Variants in OR1L8 observed in about 807,000 individuals in gnomAD.
OR1L8 encodes the protein olfactory receptor 1L8.
For missense variants in OR1L8, 330 were observed against 377.4 expected, an observed-to-expected ratio of 0.87 and a Z score of 1.04; for synonymous variants, 148 against 147.0, an observed-to-expected ratio of 1.01 and a Z score of -0.05.
chr9:122,562,569 C>G (rs10739613), downstream of OR1L8, among the ~76,000 whole-genome samples: 1 of 151,898 alleles, frequency 6.6e-6, no homozygotes, highest in African/African-American at 2.4e-5. Flanking sequence ...GTGGGGACTC[C>G]CCTGCCCTGT....
chr9:122,568,159 C>T lies in OR1L8; in HGVS notation c.319G>A (p.Ala107Thr). 6.2e-7 allele frequency: 1 copy of T among 1,614,124 alleles called. No individual in the cohort carries two copies. Among genetic ancestry groups the T allele is most frequent in the South Asian group, 1.1e-5 (1 of 91,074 alleles). Residue 107 changes from alanine to threonine, a missense_variant, in exon 5 of 5, where the codon GCC becomes ACC. Coordinates refer to ENST00000641027, the MANE Select transcript of OR1L8 (RefSeq NM_001004454.2). ...GCLTQMYFLY[A>T]LGNSDSCLLA... Reference sequence around the variant, plus strand: ...AGGCAGCTGTCACTGTTGCCCAAGGCATAGAGAAAATACATCTGTGTCAGA... The same window carrying T: ...AGGCAGCTGTCACTGTTGCCCAAGGTATAGAGAAAATACATCTGTGTCAGA...
the OR1L8 span, among the ~76,000 whole-genome samples, chr9:122,551,702 G>C: frequency 6.6e-6 from 1 of 152,044 alleles, no homozygotes; most frequent in African/African-American, 2.4e-5. Flanking sequence ...GCTCCCCTAG[G>C]ATCCAGCCAG....
the OR1L8 span, among the ~76,000 whole-genome samples, chr9:122,561,440 C>T: frequency 6.8e-4 from 103 of 152,276 alleles, 1 homozygote; most frequent in Non-Finnish European, 1.2e-3. Context: ...GGATTTTCAG[C>T]GTTTTTTCGT....
the OR1L8 span, among the ~76,000 whole-genome samples, chr9:122,558,334 T>G: frequency 8.9e-5 from 9 of 100,656 alleles, no homozygotes; most frequent in African/African-American, 2.5e-4. Flanking sequence ...TTTTTTTTTT[T>G]TTTTGCAAAA....
chr9:122,553,555 A>G, the OR1L8 span: 82 of 1,613,904 alleles, frequency 5.1e-5, no homozygotes, highest in Non-Finnish European at 6.9e-5. Context: ...GGCCTTGACA[A>G]CTGCCTGCTG....
Position 122,568,298 on chromosome 9 carries a change from C to T in OR1L8, c.180G>A (p.Met60Ile), listed in dbSNP as rs1205939895. The T allele has an allele frequency of 1.2e-6, 2 of 1,614,078 alleles. No homozygotes were observed. Among genetic ancestry groups the T allele is most frequent in the Admixed American group, 3.3e-5 (2 of 60,020 alleles). ...IRFNPHLQTP[M>I]YFFLSFLSLT... Reference sequence around the variant, plus strand: ...GAGACAGAAAACTCAAGAAGAAATACATAGGGGTCTGAAGATGGGGGTTGA... The same window carrying T: ...GAGACAGAAAACTCAAGAAGAAATATATAGGGGTCTGAAGATGGGGGTTGA... The change falls in exon 5 of 5, where the codon ATG becomes ATA. Residue 60 changes from methionine to isoleucine, a missense_variant. Physicochemically the swap from Met to Ile is conservative, Grantham distance 10. Coordinates refer to ENST00000641027, the MANE Select transcript of OR1L8 (RefSeq NM_001004454.2).
chr9:122,557,595 G>T, the OR1L8 span, among the ~76,000 whole-genome samples: 2 of 151,944 alleles, frequency 1.3e-5, no homozygotes, highest in Non-Finnish European at 2.9e-5. Context: ...GTACATTCTT[G>T]GATTCTATTT....
the OR1L8 span, chr9:122,553,307 C>T: frequency 8.2e-5 from 133 of 1,613,942 alleles, no homozygotes; most frequent in Non-Finnish European, 9.9e-5. Flanking sequence ...TTCTGTTTGG[C>T]ATCTTCCTTG....
chr9:122,562,800 A>G (rs1829373679), downstream of OR1L8, among the ~76,000 whole-genome samples: 1 of 152,068 alleles, frequency 6.6e-6, no homozygotes, highest in South Asian at 2.1e-4. Flanking sequence ...ATTTTATTTA[A>G]CATAATGTCG....
intron 1 of OR1L8, among the ~76,000 whole-genome samples, chr9:122,583,029 TTAACA>T (rs1164151222): frequency 2.6e-5 from 4 of 151,902 alleles, no homozygotes; most frequent in African/African-American, 7.2e-5. Context: ...TTATATTATT[TTAACA>T]TAATATAATC....
the OR1L8 span, among the ~76,000 whole-genome samples, chr9:122,547,356 TTTTATTTTATTTGTTATATACTG>T: frequency 6.6e-6 from 1 of 152,120 alleles, no homozygotes; most frequent in Non-Finnish European, 1.5e-5. Flanking sequence ...AATTTGATTG[TTTTATTTTATTTGTTATATACTG>T]TTTATTTTAT....
chr9:122,561,379 G>A, the OR1L8 span, among the ~76,000 whole-genome samples: 2 of 152,162 alleles, frequency 1.3e-5, no homozygotes, highest in African/African-American at 4.8e-5. Flanking sequence ...TCACGCCCTT[G>A]CTGGAGAGGT....
the OR1L8 span, among the ~76,000 whole-genome samples, chr9:122,557,772 T>C: frequency 2.0e-5 from 3 of 152,064 alleles, no homozygotes; most frequent in African/African-American, 7.2e-5. Context: ...CTAGAAGAGA[T>C]TGCAGAGAAT....
At position 122,568,455 on chromosome 9, in the gene OR1L8, C is replaced by A; in HGVS notation, c.23G>T (p.Ser8Ile). The A allele has an allele frequency of 6.3e-7, 1 of 1,597,130 alleles. No homozygotes were observed. The highest frequency in any genetic ancestry group is 1.1e-5 in the South Asian group (1 of 88,530). ...CAGGAGGATAAACTCGGAGACACTG[C>A]TGGTGTGGTTGATTCTTTCCATTGA... MERINHT[S>I]SVSEFILLGL... The change falls in exon 5 of 5, where the codon AGC becomes ATC. Residue 8 changes from serine (S) to isoleucine (I), a missense_variant. Physicochemically the swap from Ser to Ile is moderately radical, Grantham distance 142. Coordinates refer to ENST00000641027, the MANE Select transcript of OR1L8 (RefSeq NM_001004454.2).
chr9:122,574,565 C>G (rs974993043), intron 3 of OR1L8, among the ~76,000 whole-genome samples: 1 of 152,060 alleles, frequency 6.6e-6, no homozygotes, highest in Non-Finnish European at 1.5e-5. Context: ...GCTGTAATTG[C>G]TTATTAGTTC....
downstream of OR1L8, among the ~76,000 whole-genome samples, chr9:122,563,004 G>C (rs888429234): frequency 6.6e-6 from 1 of 151,978 alleles, no homozygotes; most frequent in Non-Finnish European, 1.5e-5. Context: ...ACTCTTTGAC[G>C]TACTTATTTC....
chr9:122,547,594 C>T, the OR1L8 span, among the ~76,000 whole-genome samples: 2 of 148,848 alleles, frequency 1.3e-5, no homozygotes, highest in East Asian at 2.0e-4. Flanking sequence ...AACTTGATTT[C>T]ATTTTTTATG....
chr9:122,577,903 C>T (rs1829685316), intron 2 of OR1L8, among the ~76,000 whole-genome samples: 1 of 152,122 alleles, frequency 6.6e-6, no homozygotes, highest in Non-Finnish European at 1.5e-5. Flanking sequence ...CATAGAAATT[C>T]AATATGTGGT....
the OR1L8 span, chr9:122,553,084 T>C: frequency 1.1e-6 from 1 of 881,744 alleles, no homozygotes; most frequent in Non-Finnish European, 1.7e-6. Flanking sequence ...CAAAGACCAT[T>C]TATTTTTCTT....
Sources: gnomAD v4.1 joint callset for allele counts (sites outside exome capture counted in the v4.1 genomes callset) on GRCh38, gnomAD v4.1.1 for gene constraint, MANE v1.5 for transcripts, NCBI Gene and HGNC (gene_info 2026-07-23, HGNC 2026-07-21) for gene names.